PDZD2: variants seen among roughly 807,000 people sequenced by gnomAD.
The protein encoded by PDZD2 is PDZ domain containing 2.
Under a neutral mutation model 220.7 loss-of-function variants are expected in PDZD2, and 90 were observed. The observed-to-expected ratio is 0.41, with a 90% CI of 0.34 to 0.49. The LOEUF (loss-of-function observed/expected upper bound fraction) is 0.49. PDZD2 is among the 20% of genes least tolerant of loss of function. The probability of loss-of-function intolerance (pLI) is 0.28; values close to 1 mark genes in which losing one functional copy is unlikely to be tolerated. For synonymous variants in PDZD2, 1,375 were observed against 1,450.5 expected, an observed-to-expected ratio of 0.95 and a Z score of 1.18; for missense variants, 3,174 against 3,608.5, an observed-to-expected ratio of 0.88 and a Z score of 3.08.
intron 1 of PDZD2, among the ~76,000 whole-genome samples, chr5:31,660,125 A>G (rs1745702543): frequency 6.6e-6 from 1 of 152,226 alleles, no homozygotes; most frequent in Non-Finnish European, 1.5e-5. Flanking sequence ...TGTTACAGAC[A>G]AATTTCAATT....
intron 4 of PDZD2, among the ~76,000 whole-genome samples, chr5:31,996,164 A>G (rs896696568): frequency 3.3e-5 from 5 of 152,202 alleles, no homozygotes; most frequent in Admixed American, 2.6e-4. Flanking sequence ...TCCACTTGTC[A>G]GGTCTATCAG....
At chr5:32,055,244 C>T (rs1229881460) in intron 10 of PDZD2, among the ~76,000 whole-genome samples, 1 of 152,046 alleles carries the variant, frequency 6.6e-6, no homozygotes, top group African/African-American at 2.4e-5. Flanking sequence ...CTCTGTCATC[C>T]AGGCTGGAGT....
intron 1 of PDZD2, among the ~76,000 whole-genome samples, chr5:31,680,503 C>T (rs1194520440): frequency 6.6e-6 from 1 of 151,892 alleles, no homozygotes; most frequent in Non-Finnish European, 1.5e-5. Flanking sequence ...GAACTTCGCA[C>T]TTGGGAAGCC....
intron 1 of PDZD2, among the ~76,000 whole-genome samples, chr5:31,699,461 G>A (rs1747521266): frequency 6.6e-6 from 1 of 152,114 alleles, no homozygotes; most frequent in Admixed American, 6.6e-5. Flanking sequence ...TTAGAAAGGA[G>A]GTTGAGGCCA....
intron 2 of PDZD2, among the ~76,000 whole-genome samples, chr5:31,889,043 C>T (rs545485493): frequency 3.3e-5 from 5 of 152,134 alleles, no homozygotes; most frequent in African/African-American, 1.2e-4. Context: ...GTATGTTTTG[C>T]GGGTTGTTCT....
intron 2 of PDZD2, among the ~76,000 whole-genome samples, chr5:31,932,832 G>T (rs1299491817): frequency 6.6e-6 from 1 of 151,550 alleles, no homozygotes; most frequent in African/African-American, 2.4e-5. Context: ...TTACTATTCT[G>T]AGTGCCTCAT....
intron 5 of PDZD2, among the ~76,000 whole-genome samples, chr5:32,007,302 T>G (rs1752907318): frequency 6.6e-6 from 1 of 151,362 alleles, no homozygotes; most frequent in Non-Finnish European, 1.5e-5. Flanking sequence ...TATGAGCCAC[T>G]ACACCCAGCC....
rs192526906 is a variant in PDZD2, at chr5:31,919,011, C to A, written c.477-64144C>A. 5.4e-3 allele frequency among the ~76,000 whole-genome samples: 821 copies of A among 152,252 alleles called. 3 individuals are homozygous for A. The highest frequency in any genetic ancestry group is 6.4e-3 in the Non-Finnish European group (435 of 68,018). ...GCTCTCTGTTTTCATTTCCCACTTT[C>A]CCCTTTGTCACTTTCAATTACACCA... On this transcript the variant is annotated intron_variant, in intron 2 of 24. Coordinates refer to ENST00000438447, the MANE Select transcript of PDZD2 (RefSeq NM_178140.4).
chr5:32,107,925 A>G lies in PDZD2; in HGVS notation c.8354-44A>G, dbSNP rs553793544. ...AGTTTACTTAGGATTTTTGAATACT[A>G]TGAAACTGCCAAGCTATTAATTATT... On this transcript the variant is annotated intron_variant, in intron 24 of 24. Coordinates refer to ENST00000438447, the MANE Select transcript of PDZD2 (RefSeq NM_178140.4). The G allele has an allele frequency of 1.7e-5, 25 of 1,453,300 alleles. 1 individual carries two copies. In the East Asian group the frequency reaches 3.4e-4, roughly 20 times the overall value. The allele number at this position is 1,453,300 out of a possible 1,614,324, so 90.0% of individuals were successfully genotyped here. A position where few individuals can be genotyped will look rare whatever the true frequency, so the allele number is the denominator to read the frequency against.
intron 2 of PDZD2, among the ~76,000 whole-genome samples, chr5:31,892,025 C>T (rs1325785999): frequency 6.6e-6 from 1 of 152,110 alleles, no homozygotes; most frequent in Non-Finnish European, 1.5e-5. Flanking sequence ...ATCCTTCTGC[C>T]TCAGCCTCCT....
In PDZD2 at chr5:32,000,448, G is replaced by A. The variant is rs1340076122; in HGVS notation, c.1254+177G>A. Reference sequence around the variant, plus strand: ...CGCTATATGGAGACCCTTAGCTGAAGTGCAGTTAGTTACTTGGCTTTCCTT... The same window carrying A: ...CGCTATATGGAGACCCTTAGCTGAAATGCAGTTAGTTACTTGGCTTTCCTT... On this transcript the variant is annotated intron_variant, in intron 5 of 24. Coordinates refer to ENST00000438447, the MANE Select transcript of PDZD2 (RefSeq NM_178140.4). The surrounding 1 kb of genome is among the most constrained non-coding windows in gnomAD (Gnocchi z 4.5). Among the ~76,000 whole-genome samples the A allele has an allele frequency of 6.6e-6, 1 of 152,222 alleles. No homozygotes were observed. Among genetic ancestry groups the A allele is most frequent in the Non-Finnish European group, 1.5e-5 (1 of 68,048 alleles).
chr5:31,799,687 G>A lies in PDZD2; in HGVS notation c.439G>A (p.Gly147Arg). 6.2e-7 allele frequency: 1 copy of A among 1,613,916 alleles called. No homozygotes were observed. The change falls in exon 2 of 25, where the codon GGG (glycine) becomes AGG (arginine). Residue 147 changes from glycine (G) to arginine (R), a missense_variant. Coordinates refer to ENST00000438447, the MANE Select transcript of PDZD2 (RefSeq NM_178140.4). ...RLRDEILSLN[G>R]QLMVGVDVSG... ...GCGGGATGAGATCCTCTCACTGAAT[G>A]GGCAGCTGATGGTTGGAGTTGATGT...
At chr5:31,997,114 C>T (rs900891762) in intron 4 of PDZD2, among the ~76,000 whole-genome samples, 2 of 152,280 alleles carry the variant, frequency 1.3e-5, no homozygotes, top group Admixed American at 6.5e-5. Context: ...TATGCCCACA[C>T]ATATACAGTA....
At chr5:31,886,199 AT>A (rs1314052993) in intron 2 of PDZD2, among the ~76,000 whole-genome samples, 3 of 152,140 alleles carry the variant, frequency 2.0e-5, no homozygotes, top group African/African-American at 7.2e-5. Flanking sequence ...GTGCCCAGCC[AT>A]TGTCTATACA....
chr5:31,789,033 T>A (rs773883378), intron 1 of PDZD2, among the ~76,000 whole-genome samples: 67 of 152,234 alleles, frequency 4.4e-4, no homozygotes, highest in Non-Finnish European at 9.4e-4. Context: ...AGGATTTTAT[T>A]CAGCTATAAC....
intron 2 of PDZD2, among the ~76,000 whole-genome samples, chr5:31,899,376 G>A (rs575865164): frequency 2.6e-5 from 4 of 152,056 alleles, no homozygotes; most frequent in East Asian, 1.9e-4. Context: ...CAAGTGATCC[G>A]CCCACCTCAT....
intron 1 of PDZD2, among the ~76,000 whole-genome samples, chr5:31,640,719 T>C (rs961721876): frequency 6.6e-6 from 1 of 151,944 alleles, no homozygotes; most frequent in Admixed American, 6.6e-5. Flanking sequence ...GTGCTGCTTG[T>C]GGGGGCAGAA....
chr5:32,014,877 T>A (rs1264342351), intron 6 of PDZD2, among the ~76,000 whole-genome samples: 3 of 150,878 alleles, frequency 2.0e-5, no homozygotes, highest in Non-Finnish European at 2.9e-5. Context: ...CCCACCTAAT[T>A]TTTGTATTTT....
intron 1 of PDZD2, among the ~76,000 whole-genome samples, chr5:31,793,721 C>T: frequency 6.6e-6 from 1 of 152,198 alleles, no homozygotes; most frequent in Non-Finnish European, 1.5e-5. Flanking sequence ...GGCTGAGAAT[C>T]GCTTGAAACC....
Sources: gnomAD v4.1 joint callset for allele counts (sites outside exome capture counted in the v4.1 genomes callset) on GRCh38, gnomAD v4.1.1 for gene constraint, Gnocchi (gnomAD v3.1) non-coding constraint, MANE v1.5 for transcripts, NCBI Gene and HGNC (gene_info 2026-07-23, HGNC 2026-07-21) for gene names.